Variants in ZC3H12B observed in about 807,000 individuals in gnomAD.
ZC3H12B encodes the protein probable ribonuclease ZC3H12B.
A neutral mutation model predicts 43.9 loss-of-function variants in ZC3H12B; 7 were observed. That is an observed-to-expected ratio of 0.16 (90% CI 0.09 to 0.30). ZC3H12B has a LOEUF of 0.30. Among genes scored for constraint, ZC3H12B ranks in the 10% least tolerant of loss-of-function variants. ZC3H12B has a pLI of 1.00. For synonymous variants in ZC3H12B, 222 were observed against 241.7 expected, an observed-to-expected ratio of 0.92 and a Z score of 0.76; for missense variants, 475 against 670.2, an observed-to-expected ratio of 0.71 and a Z score of 3.22.
chrX:65,265,293 C>A, the ZC3H12B span, among the ~76,000 whole-genome samples: 2 of 111,675 alleles, frequency 1.8e-5, no homozygotes, highest in African/African-American at 6.5e-5. Flanking sequence ...AATGAAATAA[C>A]GAATATCTGA....
chrX:65,077,296 G>C, the ZC3H12B span, among the ~76,000 whole-genome samples: 1 of 111,919 alleles, frequency 8.9e-6, no homozygotes, highest in East Asian at 2.8e-4. Flanking sequence ...ACTGAGTCTT[G>C]TGTCAATTAA....
chrX:65,335,410 C>T, the ZC3H12B span, among the ~76,000 whole-genome samples: 1 of 111,895 alleles, frequency 8.9e-6, no homozygotes, highest in African/African-American at 3.3e-5. Context: ...GGCTTTTTAG[C>T]TTTACCAAAG....
At chrX:65,305,145 G>C in the ZC3H12B span, among the ~76,000 whole-genome samples, 1 of 111,507 alleles carries the variant, frequency 9.0e-6, no homozygotes, top group Non-Finnish European at 1.9e-5. Flanking sequence ...TTAAAAAGTT[G>C]ATTATACTTT....
chrX:65,254,160 C>T, the ZC3H12B span, among the ~76,000 whole-genome samples: 1 of 112,358 alleles, frequency 8.9e-6, no homozygotes, highest in Non-Finnish European at 1.9e-5. Flanking sequence ...GCCACTGCTG[C>T]CAGCACAAAT....
chrX:65,473,761 C>T (rs1337174098), intron 3 of ZC3H12B, among the ~76,000 whole-genome samples: 1 of 111,570 alleles, frequency 9.0e-6, no homozygotes, highest in African/African-American at 3.3e-5. Flanking sequence ...CCTTGTTATC[C>T]TTTTCTTGTT....
At chrX:65,387,991 A>G (rs2066554479) in intron 2 of ZC3H12B, among the ~76,000 whole-genome samples, 2 of 111,855 alleles carry the variant, frequency 1.8e-5, no homozygotes, top group Non-Finnish European at 3.8e-5. Flanking sequence ...TGGCTTGTAG[A>G]GTTTCTGCCG....
At chrX:65,366,051 C>G (rs184114347), upstream of ZC3H12B, among the ~76,000 whole-genome samples, 5 of 110,849 alleles carry the variant, frequency 4.5e-5, no homozygotes, top group East Asian at 2.9e-4. Context: ...GACTGTTACA[C>G]AGCATTAGGC....
the ZC3H12B span, among the ~76,000 whole-genome samples, chrX:65,279,292 A>T: frequency 2.3e-4 from 22 of 95,895 alleles, no homozygotes; most frequent in Non-Finnish European, 3.2e-4. Flanking sequence ...CCGCAACCTT[A>T]CCAGCATTTT....
the ZC3H12B span, among the ~76,000 whole-genome samples, chrX:65,226,178 C>T: frequency 1.2e-4 from 13 of 111,709 alleles, no homozygotes; most frequent in South Asian, 1.9e-3. Context: ...GGAGATCTCT[C>T]GGCAGAAAAT....
At chrX:65,320,544 A>G in the ZC3H12B span, among the ~76,000 whole-genome samples, 41 of 112,277 alleles carry the variant, frequency 3.7e-4, no homozygotes, top group African/African-American at 1.3e-3. Flanking sequence ...TAGGAAAAAA[A>G]ACTATTTCAA....
the ZC3H12B span, among the ~76,000 whole-genome samples, chrX:65,112,758 T>C: frequency 8.9e-6 from 1 of 111,870 alleles, no homozygotes; most frequent in Non-Finnish European, 1.9e-5. Flanking sequence ...TTATTGACAA[T>C]GCATCTAGTC....
chrX:65,311,629 C>T, the ZC3H12B span, among the ~76,000 whole-genome samples: 11 of 111,545 alleles, frequency 9.9e-5, no homozygotes, highest in African/African-American at 2.3e-4. Context: ...TTTGACCCAG[C>T]GATCCCATTA....
At chrX:65,360,009 G>A in the ZC3H12B span, among the ~76,000 whole-genome samples, 3 of 111,805 alleles carry the variant, frequency 2.7e-5, no homozygotes, top group East Asian at 5.6e-4. Flanking sequence ...TAAACATCAA[G>A]GCAAGACCCT....
chrX:65,357,333 A>G, the ZC3H12B span: 8 of 257,435 alleles, frequency 3.1e-5, no homozygotes, highest in Non-Finnish European at 5.0e-5. Context: ...GATTTTGGGC[A>G]GATCCTCTAC....
At chrX:65,228,238 T>A in the ZC3H12B span, among the ~76,000 whole-genome samples, 5 of 111,582 alleles carry the variant, frequency 4.5e-5, no homozygotes, top group East Asian at 1.4e-3. Flanking sequence ...TATACACAAA[T>A]CAATAAATAT....
At chrX:65,311,066 T>C in the ZC3H12B span, among the ~76,000 whole-genome samples, 9,126 of 111,538 alleles carry the variant, frequency 0.082, 1,002 homozygotes, top group African/African-American at 0.29. Context: ...TAGGCAATAC[T>C]ATTCAGGACA....
chrX:65,287,617 C>T, the ZC3H12B span, among the ~76,000 whole-genome samples: 1 of 110,134 alleles, frequency 9.1e-6, no homozygotes, highest in Admixed American at 9.8e-5. Flanking sequence ...TTCCTTGAAA[C>T]AAATGAAAAT....
At chrX:65,319,624 A>T in the ZC3H12B span, among the ~76,000 whole-genome samples, 3 of 111,586 alleles carry the variant, frequency 2.7e-5, no homozygotes, top group Non-Finnish European at 5.6e-5. Flanking sequence ...ACACAAAAAA[A>T]GGAAACATCA....
intron 2 of ZC3H12B, among the ~76,000 whole-genome samples, chrX:65,398,009 A>G (rs2066720990): frequency 8.9e-6 from 1 of 112,102 alleles, no homozygotes; most frequent in South Asian, 3.7e-4. Context: ...AAAAGAAATC[A>G]TGAAGGTAAT....
Sources: gnomAD v4.1 joint callset for allele counts (sites outside exome capture counted in the v4.1 genomes callset) on GRCh38, gnomAD v4.1.1 for gene constraint, MANE v1.5 for transcripts, NCBI Gene and HGNC (gene_info 2026-07-23, HGNC 2026-07-21) for gene names.